NUP214: variants seen among roughly 807,000 people sequenced by gnomAD.
NUP214 encodes the protein nucleoporin 214.
In NUP214, 79 loss-of-function variants were observed where a neutral mutation model predicts 196.2. The observed-to-expected ratio is 0.40, with a 90% confidence interval of 0.34 to 0.49. The LOEUF (loss-of-function observed/expected upper bound fraction) is 0.49. Among genes scored for constraint, NUP214 ranks in the 20% least tolerant of loss-of-function variants. The pLI is 0.58. For synonymous variants in NUP214, 1,020 were observed against 990.5 expected (o/e 1.03, Z -0.56); for missense variants, 2,468 against 2,539.0 (o/e 0.97, Z 0.60).
Position 131,129,556 on chromosome 9 carries a change from G to A in NUP214, c.592+79G>A. 2.1e-6 allele frequency: 3 copies of A among 1,407,652 alleles called. No homozygotes were observed. In the Admixed American group the frequency reaches 5.6e-5, roughly 26 times the overall value. The allele number at this position is 1,407,652 out of a possible 1,614,324, so 87.2% of individuals were successfully genotyped here. ...GAATTGATTTCTAGAAGTGAAAGTGGATAGCTTTTTGTGTTTTGGTTTTTT... is the reference window on the plus strand; with the variant it reads ...GAATTGATTTCTAGAAGTGAAAGTGAATAGCTTTTTGTGTTTTGGTTTTTT... On this transcript the variant is annotated intron_variant, in intron 4 of 35. Transcript: ENST00000359428.
chr9:131,131,615 A>G (rs556092721), intron 5 of NUP214, among the ~76,000 whole-genome samples: 13 of 152,216 alleles, frequency 8.5e-5, no homozygotes, highest in Non-Finnish European at 1.8e-4. Context: ...TTAGGACACT[A>G]ACCTGTAAAA....
At chr9:131,174,443 T>TTTC in intron 22 of NUP214, 125 bp downstream of exon 22, 5 of 545,918 alleles carry the variant, frequency 9.2e-6, no homozygotes, top group Non-Finnish European at 1.0e-5. Context: ...TTTTTTTTTT[T>TTTC]TTTCTTTTTT....
chr9:131,150,426 G>C lies in NUP214; in HGVS notation c.2127+16G>C, dbSNP rs201230168. ...TGGGGAGGAGGTAAATTTGTTTCCT[G>C]AGGGTGTTTTTCTGAAAGTAGCTGA... On this transcript the variant is annotated intron_variant, in intron 15 of 35. Coordinates refer to ENST00000359428, the MANE Select transcript of NUP214 (RefSeq NM_005085.4). The C allele has an allele frequency of 8.6e-5, 139 of 1,613,426 alleles. No homozygotes were observed. The highest frequency in any genetic ancestry group is 1.2e-4 in the Admixed American group (7 of 60,014).
chr9:131,188,876 T>G (rs1833525105), intron 25 of NUP214, among the ~76,000 whole-genome samples, 177 bp from the exon 26 acceptor site: 1 of 152,252 alleles, frequency 6.6e-6, no homozygotes, highest in African/African-American at 2.4e-5. Context: ...ATCTTACATA[T>G]GGTTAACTTA....
intron 31 of NUP214, among the ~76,000 whole-genome samples, chr9:131,222,254 A>G (rs1219309076): frequency 2.0e-5 from 3 of 152,242 alleles, no homozygotes; most frequent in African/African-American, 7.2e-5. Context: ...GGCAGCCATA[A>G]GCATGCTGAA....
intron 18 of NUP214, among the ~76,000 whole-genome samples, chr9:131,161,071 G>A (rs1240807688): frequency 6.6e-6 from 1 of 152,226 alleles, no homozygotes; most frequent in Non-Finnish European, 1.5e-5. Flanking sequence ...GTAAGAAAGT[G>A]CATGATGCTT....
chr9:131,198,511 G>A lies in NUP214; in HGVS notation c.5017G>A (p.Val1673Met), dbSNP rs61735510. The change falls in exon 29 of 36, where the codon GTG becomes ATG. Residue 1673 changes from valine to methionine, a missense_variant. Transcript: ENST00000359428. The stretch of plus-strand genomic sequence containing the variant: ...AGCCACTGCCCCCTCTGCCACGCCC[G>A]TGTTTGGGCAAGTGGCAGCCAGCAC... ...NTATAPSATP[V>M]FGQVAASTAP... 89 of 1,614,098 alleles carry A rather than the reference G, an allele frequency of 5.5e-5. No individual in the cohort carries two copies. The Admixed American group carries it at 6.3e-4, about 11-fold the overall frequency.
chr9:131,175,369 C>T, intron 22 of NUP214, 91 bp from the exon 23 acceptor site: 1 of 1,427,366 alleles, frequency 7.0e-7, no homozygotes, highest in East Asian at 2.3e-5. Flanking sequence ...AGCATTTTCC[C>T]TGCAGTCGAA....
chr9:131,189,049 A>T lies in NUP214; in HGVS notation c.3496-4A>T, dbSNP rs774009684. On this transcript the variant is annotated splice_region_variant and splice_polypyrimidine_tract_variant and intron_variant, in intron 25 of 35. Coordinates refer to ENST00000359428, the MANE Select transcript of NUP214 (RefSeq NM_005085.4). The stretch of plus-strand genomic sequence containing the variant: ...ATAAACATTTTGCTTGCATTCTGTT[A>T]TAGGGGTCTCTAATAAATTCCCTTA... 2 of 1,610,782 alleles carry T rather than the reference A, an allele frequency of 1.2e-6. No homozygotes were observed. Among genetic ancestry groups the T allele is most frequent in the Middle Eastern group, 3.3e-4 (2 of 6,058 alleles).
chr9:131,154,666 C>T (rs1252766790), intron 17 of NUP214, among the ~76,000 whole-genome samples: 2 of 152,198 alleles, frequency 1.3e-5, no homozygotes, highest in African/African-American at 2.4e-5. Flanking sequence ...ATTCTTATCC[C>T]TTTGCATCCT....
intron 24 of NUP214, among the ~76,000 whole-genome samples, chr9:131,183,318 C>T (rs1003147635): frequency 6.6e-6 from 1 of 152,228 alleles, no homozygotes; most frequent in Non-Finnish European, 1.5e-5. Flanking sequence ...CTCCTGACCT[C>T]AGGTGATCCG....
chr9:131,223,727 A>ATTTATT lies in NUP214; in HGVS notation c.5902+800_5902+801insATTTTT. Among the ~76,000 whole-genome samples the ATTTATT allele has an allele frequency of 1.3e-3, 21 of 15,668 alleles. 4 individuals carry two copies. The East Asian group carries it at 0.015, about 11-fold the overall frequency. 10.3% of individuals were successfully genotyped at this position (15,668 alleles called of 152,430 possible). On this transcript the variant is annotated intron_variant, in intron 32 of 35. Transcript: ENST00000359428. ...TTTTTTTATTTTTATTTATTTATTT[A>ATTTATT]TTTTTTTTTTTTTTTTTTTTTTTTT...
intron 8 of NUP214, among the ~76,000 whole-genome samples, chr9:131,135,528 C>A (rs749578549): frequency 6.6e-6 from 1 of 152,136 alleles, no homozygotes; most frequent in Non-Finnish European, 1.5e-5. Flanking sequence ...TTCTCAATAA[C>A]CCCTAGTGAT....
intron 17 of NUP214, among the ~76,000 whole-genome samples, chr9:131,155,637 T>C (rs1478608477): frequency 1.3e-5 from 2 of 152,240 alleles, no homozygotes; most frequent in Admixed American, 1.3e-4. Flanking sequence ...CTTCGATCCA[T>C]CTTGAGTTGA....
In NUP214 at chr9:131,233,917, T is replaced by A. The variant is rs1834946026; in HGVS notation, c.*430T>A. ...ACATAGGGAAGAGGTTGAATGCTGG[T>A]GGGTCATCTTTTTGAGGCTGAAACT... is the stretch of plus-strand genomic sequence containing the variant. On this transcript the variant is annotated 3_prime_UTR_variant, in exon 36 of 36. Transcript: ENST00000359428. The A allele has an allele frequency of 7.3e-6, 2 of 274,442 alleles. No homozygotes were observed. Among genetic ancestry groups the A allele is most frequent in the Admixed American group, 5.2e-5 (1 of 19,260 alleles). 17.0% of individuals were successfully genotyped at this position (274,442 alleles called of 1,614,324 possible). A position where few individuals can be genotyped will look rare whatever the true frequency, so the allele number is the denominator to read the frequency against.
chr9:131,139,152 C>G lies in NUP214; in HGVS notation c.1006-129C>G. On this transcript the variant is annotated intron_variant, in intron 9 of 35. Transcript: ENST00000359428. ...AGAGCCTCCTAGTCAACACCTGAGT[C>G]TAAACCAAGTGAGTCATCTCTGTTC... is the stretch of plus-strand genomic sequence containing the variant. 6.3e-6 allele frequency: 7 copies of G among 1,114,992 alleles called. 1 individual carries two copies. The highest frequency in any genetic ancestry group is 8.2e-6 in the Non-Finnish European group (7 of 852,680). The allele number at this position is 1,114,992 out of a possible 1,614,324, so 69.1% of individuals were successfully genotyped here.
chr9:131,162,040 A>C (rs1832654553), intron 18 of NUP214, among the ~76,000 whole-genome samples: 1 of 152,076 alleles, frequency 6.6e-6, no homozygotes, highest in Admixed American at 6.5e-5. Context: ...ATCAGCCAGC[A>C]TTAGTATATT....
intron 30 of NUP214, among the ~76,000 whole-genome samples, chr9:131,206,148 C>CTTTTTTTTTTTCTTTTTT (rs1834077536): frequency 1.3e-5 from 1 of 76,388 alleles, no homozygotes; most frequent in Admixed American, 1.6e-4. Flanking sequence ...TTTCTTTTTT[C>CTTTTTTTTTTTCTTTTTT]TTTTTTTTTT....
chr9:131,164,375 G>A (rs1189253192), intron 21 of NUP214: 2 of 531,074 alleles, frequency 3.8e-6, no homozygotes, highest in Non-Finnish European at 6.7e-6. Flanking sequence ...AAGCAGCAAA[G>A]TAGTCGTTTT....
Sources: gnomAD v4.1 joint callset for allele counts (sites outside exome capture counted in the v4.1 genomes callset) on GRCh38, gnomAD v4.1.1 for gene constraint, MANE v1.5 for transcripts, NCBI Gene and HGNC (gene_info 2026-07-23, HGNC 2026-07-21) for gene names.